The following SH3D19 variants were observed in gnomAD, a reference collection of about 807,000 sequenced individuals.
SH3D19 encodes SH3 domain-containing protein 19.
A neutral mutation model predicts 112.1 loss-of-function variants in SH3D19; 58 were observed. That is an observed-to-expected ratio of 0.52 (90% confidence interval 0.42 to 0.64). The LOEUF (loss-of-function observed/expected upper bound fraction) is 0.64. SH3D19 is among the 30% of genes least tolerant of loss of function. SH3D19 has a pLI of 0.00. For synonymous variants in SH3D19, 391 were observed against 448.5 expected (o/e 0.87, Z 1.62); for missense variants, 1,090 against 1,263.4 (o/e 0.86, Z 2.08).
chr4:151,145,152 AT>A (rs1288955900), intron 11 of SH3D19, among the ~76,000 whole-genome samples: 9 of 152,230 alleles, frequency 5.9e-5, no homozygotes, highest in Admixed American at 5.9e-4. Flanking sequence ...CATGCAATAA[AT>A]GAAAGATTTG....
At chr4:151,221,913 C>G (rs1768118867) in intron 2 of SH3D19, among the ~76,000 whole-genome samples, 1 of 152,176 alleles carries the variant, frequency 6.6e-6, no homozygotes, top group Non-Finnish European at 1.5e-5. Context: ...CTCCTTCAAC[C>G]TGGAGACTTT....
At chr4:151,129,615 C>G (rs1230511883) in intron 17 of SH3D19, among the ~76,000 whole-genome samples, 4 of 152,230 alleles carry the variant, frequency 2.6e-5, no homozygotes, top group Non-Finnish European at 4.4e-5. Flanking sequence ...AGCGATCCAC[C>G]TGCCTTGGCC....
At position 151,325,226 on chromosome 4, in the gene SH3D19, C is replaced by T; in HGVS notation, c.112+15G>A. Reference sequence around the variant, plus strand: ...AGCTCTGGGTCCCCGCCGCCCCGTCCCCCGCGCCTCTCACCTGCGGCCGAG... The same window carrying T: ...AGCTCTGGGTCCCCGCCGCCCCGTCTCCCGCGCCTCTCACCTGCGGCCGAG... On this transcript the variant is annotated intron_variant, in intron 1 of 19. Coordinates refer to ENST00000604030, the MANE Select transcript of SH3D19 (RefSeq NM_001378122.1). The T allele has an allele frequency of 8.3e-7, 1 of 1,210,042 alleles. No individual in the cohort carries two copies. The highest frequency in any genetic ancestry group is 1.0e-6 in the Non-Finnish European group (1 of 971,224). The allele number at this position is 1,210,042 out of a possible 1,614,324, so 75.0% of individuals were successfully genotyped here. A position where few individuals can be genotyped will look rare whatever the true frequency, so the allele number is the denominator to read the frequency against.
chr4:151,211,814 A>C (rs1272658117), intron 2 of SH3D19, among the ~76,000 whole-genome samples: 7 of 152,218 alleles, frequency 4.6e-5, no homozygotes, highest in African/African-American at 1.7e-4. Context: ...CTGCACAAAA[A>C]AGTGGGAAGC....
chr4:151,267,591 C>T (rs1445049226), intron 1 of SH3D19, among the ~76,000 whole-genome samples: 4 of 152,030 alleles, frequency 2.6e-5, no homozygotes, highest in South Asian at 2.1e-4. Context: ...TCTAACAACA[C>T]GTAGTATCCT....
At chr4:151,297,088 T>G (rs140289291) in intron 1 of SH3D19, among the ~76,000 whole-genome samples, 2 of 152,176 alleles carry the variant, frequency 1.3e-5, no homozygotes, top group African/African-American at 4.8e-5. Flanking sequence ...TTAAAATATA[T>G]TGCTTCAGGA....
At chr4:151,216,599 C>T (rs147292310) in intron 2 of SH3D19, among the ~76,000 whole-genome samples, 108 of 152,214 alleles carry the variant, frequency 7.1e-4, no homozygotes, top group African/African-American at 2.1e-3. Flanking sequence ...GAGTTCCATG[C>T]GCCCTGGACT....
intron 2 of SH3D19, among the ~76,000 whole-genome samples, chr4:151,204,967 C>T (rs552484886): frequency 6.6e-5 from 10 of 151,976 alleles, no homozygotes; most frequent in East Asian, 1.9e-4. Flanking sequence ...ATTACAGGTG[C>T]GCACCACCAC....
rs1373185276 is a variant in SH3D19 at position 151,174,870 on chromosome 4, G to C, written c.1334C>G (p.Thr445Ser). The stretch of plus-strand genomic sequence containing the variant: ...TGCCCCTGCGAGTCGGGGAGGAACA[G>C]TGACAGGTTTCAGTGGAGCTGAAGG... ...TYPSAPLKPV[T>S]VPPRLAGASQ... The change falls in exon 7 of 20, where the codon ACT becomes AGT. Residue 445 changes from threonine to serine, a missense_variant. By Grantham distance (58) the Thr-to-Ser change is moderately conservative. Coordinates refer to ENST00000604030, the MANE Select transcript of SH3D19 (RefSeq NM_001378122.1). 6.2e-7 allele frequency: 1 copy of C among 1,608,446 alleles called. No homozygotes were observed. The highest frequency in any genetic ancestry group is 1.1e-5 in the South Asian group (1 of 90,118).
At chr4:151,318,300 CAA>C (rs752720803) in intron 1 of SH3D19, among the ~76,000 whole-genome samples, 1 of 54,478 alleles carries the variant, frequency 1.8e-5, no homozygotes, top group Non-Finnish European at 3.8e-5. Context: ...GACTCTGACT[CAA>C]AAAAAAAAAA....
rs772257339 is a variant in SH3D19 at position 151,137,758 on chromosome 4, A to G, written c.2401T>C (p.Phe801Leu). The change falls in exon 14 of 20, where the codon TTT (phenylalanine) becomes CTT (leucine). Residue 801 changes from phenylalanine to leucine, a missense_variant. Coordinates refer to ENST00000604030, the MANE Select transcript of SH3D19 (RefSeq NM_001378122.1). Reference protein sequence around the residue: ...RGNCRNQIGIFPANYVKVIID... With the variant: ...RGNCRNQIGILPANYVKVIID... ...ATCACTTTGACATAGTTGGCAGGAAATATGCCAATCTGGTTTCTACAGTTC... is the reference window on the plus strand; with the variant it reads ...ATCACTTTGACATAGTTGGCAGGAAGTATGCCAATCTGGTTTCTACAGTTC... 42 of 1,604,026 alleles carry G rather than the reference A, an allele frequency of 2.6e-5. No homozygotes were observed. The Admixed American group carries it at 6.9e-4, about 26-fold the overall frequency.
At chr4:151,288,651 G>C (rs1387075201) in intron 1 of SH3D19, among the ~76,000 whole-genome samples, 1 of 151,462 alleles carries the variant, frequency 6.6e-6, no homozygotes, top group Non-Finnish European at 1.5e-5. Flanking sequence ...CCTGGGCGGG[G>C]CAACGAAGCG....
intron 1 of SH3D19, among the ~76,000 whole-genome samples, chr4:151,290,752 T>C (rs536831993): frequency 2.8e-4 from 43 of 152,342 alleles, no homozygotes; most frequent in African/African-American, 1.0e-3. Context: ...CACTATCATT[T>C]TAGGTAAGAA....
In SH3D19 at chr4:151,325,453, G is replaced by A. The variant is rs891406069; in HGVS notation, c.-101C>T. ...GCCCCACGCCACCGCCCTCGGGCCG[G>A]GGGGAAGGCGGCTCCCGGAGAGGAG... is the stretch of plus-strand genomic sequence containing the variant. On this transcript the variant is annotated 5_prime_UTR_variant, in exon 1 of 20. Transcript: ENST00000604030. The A allele has an allele frequency of 3.1e-5, 15 of 491,144 alleles. No homozygotes were observed. Among genetic ancestry groups the A allele is most frequent in the African/African-American group, 2.7e-4 (13 of 49,022 alleles). 30.4% of individuals were successfully genotyped at this position (491,144 alleles called of 1,614,324 possible).
intron 1 of SH3D19, among the ~76,000 whole-genome samples, chr4:151,298,290 G>A (rs1433205536): frequency 1.4e-5 from 2 of 140,060 alleles, no homozygotes; most frequent in Non-Finnish European, 3.0e-5. Flanking sequence ...AGATTCTCCT[G>A]TCTCAGCCTC....
chr4:151,186,858 G>A (rs1265774335), intron 3 of SH3D19, among the ~76,000 whole-genome samples: 5 of 131,822 alleles, frequency 3.8e-5, no homozygotes, highest in South Asian at 2.4e-4. Context: ...GCAGTGGCGC[G>A]ATCTCGGCTC....
intron 2 of SH3D19, among the ~76,000 whole-genome samples, chr4:151,197,691 A>T (rs1028013166): frequency 6.6e-6 from 1 of 152,234 alleles, no homozygotes; most frequent in Non-Finnish European, 1.5e-5. Flanking sequence ...AGCAGAAGGG[A>T]AAGAAAAAAG....
chr4:151,222,858 T>C (rs1020128718), intron 2 of SH3D19, among the ~76,000 whole-genome samples: 1 of 151,668 alleles, frequency 6.6e-6, no homozygotes, highest in Non-Finnish European at 1.5e-5. Context: ...AGAGATGGAG[T>C]TGGCCATCAT....
chr4:151,132,967 T>C (rs1751040193), intron 16 of SH3D19, 67 bp downstream of exon 16: 3 of 1,290,492 alleles, frequency 2.3e-6, no homozygotes, highest in Admixed American at 2.2e-5. Flanking sequence ...ACAGCTTAAG[T>C]ATAATGATAT....
Sources: allele counts gnomAD v4.1 joint callset (sites outside exome capture counted in the v4.1 genomes callset), GRCh38; gene constraint gnomAD v4.1.1; transcripts MANE v1.5; gene names NCBI Gene and HGNC (gene_info 2026-07-23, HGNC 2026-07-21).